DPP4: variants seen among roughly 807,000 people sequenced by gnomAD.
The protein encoded by DPP4 is dipeptidyl peptidase 4.
DPP4 carries 93 observed loss-of-function variants against 122.4 expected under a neutral mutation model. The ratio of observed to expected loss-of-function variants is 0.76; its 90% CI spans 0.64 to 0.90. The LOEUF is 0.90. Among genes scored for constraint, DPP4 ranks in the 40% least tolerant of loss-of-function variants. DPP4 has a pLI of 0.00. For synonymous variants in DPP4, 321 were observed against 302.9 expected (o/e 1.06, Z -0.62); for missense variants, 914 against 907.3 (o/e 1.01, Z -0.09).
chr2:162,022,718 G>A (rs747745529), intron 12 of DPP4, 37 bp downstream of exon 12: 8 of 1,604,616 alleles, frequency 5.0e-6, no homozygotes, highest in Non-Finnish European at 6.8e-6. Flanking sequence ...CTGAGTAGCT[G>A]ACTCATCCAT....
chr2:162,010,873 A>G (rs1250744526), intron 20 of DPP4, among the ~76,000 whole-genome samples: 1 of 152,050 alleles, frequency 6.6e-6, no homozygotes, highest in Non-Finnish European at 1.5e-5. Flanking sequence ...TTCCTAGTCT[A>G]TGATTTCATA....
At chr2:162,009,083 C>A (rs1336638999) in intron 21 of DPP4, among the ~76,000 whole-genome samples, 158 bp downstream of exon 21, 1 of 152,060 alleles carries the variant, frequency 6.6e-6, no homozygotes, top group Non-Finnish European at 1.5e-5. Flanking sequence ...AAGGTGTAAG[C>A]CTAACTCAGT....
chr2:162,047,082 C>G (rs1019232874), intron 3 of DPP4, 76 bp from the exon 4 acceptor site: 14 of 786,306 alleles, frequency 1.8e-5, no homozygotes, highest in Admixed American at 1.0e-4. Flanking sequence ...TTACAGAATA[C>G]AGTTTAAGCT....
chr2:161,999,325 A>T (rs1312429610), intron 23 of DPP4, among the ~76,000 whole-genome samples: 3 of 152,244 alleles, frequency 2.0e-5, no homozygotes, highest in Non-Finnish European at 4.4e-5. Flanking sequence ...TGCTATTTTA[A>T]CCTACCAAAA....
chr2:161,992,707 T>C lies in DPP4; in HGVS notation c.*576A>G, dbSNP rs1700894456. ...TACTTAGAAGTCAGTGCTTTGCATA[T>C]TTGATTTCCTGAGACTGTTTGAATA... On this transcript the variant is annotated 3_prime_UTR_variant, in exon 26 of 26. Coordinates refer to ENST00000360534, the MANE Select transcript of DPP4 (RefSeq NM_001935.4). 1 of 152,894 alleles carries C rather than the reference T, an allele frequency of 6.5e-6. No individual in the cohort carries two copies. The highest frequency in any genetic ancestry group is 1.5e-5 in the Non-Finnish European group (1 of 68,222). The allele number at this position is 152,894 out of a possible 1,614,324, so 9.5% of individuals were successfully genotyped here.
chr2:162,053,069 A>G lies in DPP4; in HGVS notation c.95-5568T>C, dbSNP rs1430268854. ...AAATGTGAGAAGAGAAAAACAAATT[A>G]TAGACAGAGTTCATAATCATAAGGG... is the stretch of plus-strand genomic sequence containing the variant. On this transcript the variant is annotated intron_variant, in intron 2 of 25. Transcript: ENST00000360534. Among the ~76,000 whole-genome samples the G allele has an allele frequency of 3.9e-5, 6 of 152,346 alleles. No individual in the cohort carries two copies. The East Asian group carries it at 1.2e-3, about 29-fold the overall frequency.
chr2:162,013,396 C>T (rs991601759), intron 19 of DPP4, among the ~76,000 whole-genome samples: 1 of 152,106 alleles, frequency 6.6e-6, no homozygotes, highest in Non-Finnish European at 1.5e-5. Context: ...TCAGATAACA[C>T]ATCTGGAATT....
In DPP4 at chr2:162,005,812, G is replaced by A; in HGVS notation, c.1988-3C>T. ...GTAACGTTCTGTGTACACTGAGTCT[G>A]TGAAAGAAAAAAAAATAAAAAAAAG... On this transcript the variant is annotated splice_polypyrimidine_tract_variant and splice_region_variant and intron_variant, in intron 22 of 25. Transcript: ENST00000360534. 2 of 1,609,830 alleles carry A rather than the reference G, an allele frequency of 1.2e-6. No individual in the cohort carries two copies. Among genetic ancestry groups the A allele is most frequent in the Non-Finnish European group, 1.7e-6 (2 of 1,178,390 alleles).
chr2:162,045,421 C>T (rs537207584), intron 5 of DPP4, 111 bp downstream of exon 5: 1 of 755,128 alleles, frequency 1.3e-6, no homozygotes, highest in African/African-American at 1.8e-5. Flanking sequence ...GTTTTAGTGC[C>T]TATTACATTA....
chr2:162,046,248 T>A (rs147582576), intron 4 of DPP4, among the ~76,000 whole-genome samples: 1 of 152,174 alleles, frequency 6.6e-6, no homozygotes, highest in East Asian at 1.9e-4. Flanking sequence ...ACCACAAGAT[T>A]AAATGAGGGT....
At chr2:161,993,481 G>T in intron 25 of DPP4, 97 bp from the exon 26 acceptor site, 1 of 813,378 alleles carries the variant, frequency 1.2e-6, no homozygotes, top group Non-Finnish European at 2.0e-6. Context: ...GAGCATACAT[G>T]GTATAAAACA....
intron 2 of DPP4, among the ~76,000 whole-genome samples, chr2:162,072,097 C>A (rs1235090914): frequency 1.3e-5 from 2 of 152,188 alleles, no homozygotes; most frequent in Admixed American, 6.5e-5. Context: ...CTAGCTTATA[C>A]AGTCCTTGAG....
chr2:162,035,569 T>C (rs1263695695), intron 8 of DPP4, among the ~76,000 whole-genome samples: 1 of 152,218 alleles, frequency 6.6e-6, no homozygotes, highest in African/African-American at 2.4e-5. Context: ...GCATGCAATA[T>C]TTAATATAAG....
intron 1 of DPP4, chr2:162,073,698 T>A: frequency 1.5e-6 from 1 of 656,158 alleles, no homozygotes; most frequent in Non-Finnish European, 2.6e-6. Flanking sequence ...TCAGAGCACA[T>A]TAGCGTTGGT....
At chr2:162,025,089 A>G (rs1683276085) in intron 10 of DPP4, 150 bp from the exon 11 acceptor site, 2 of 847,952 alleles carry the variant, frequency 2.4e-6, no homozygotes, top group Non-Finnish European at 3.5e-6. Flanking sequence ...ATTTAATATA[A>G]TATTTCACCT....
intron 2 of DPP4, among the ~76,000 whole-genome samples, chr2:162,055,019 A>G (rs1684518213): frequency 6.6e-6 from 1 of 152,218 alleles, no homozygotes; most frequent in African/African-American, 2.4e-5. Flanking sequence ...AAGAATATAA[A>G]AGAGTCTTTC....
chr2:161,994,540 G>A (rs1202842986), intron 25 of DPP4, among the ~76,000 whole-genome samples: 1 of 152,170 alleles, frequency 6.6e-6, no homozygotes, highest in East Asian at 1.9e-4. Flanking sequence ...TGATTATTAA[G>A]ATCCCACTGT....
At chr2:162,022,933 A>G in intron 11 of DPP4, 134 bp from the exon 12 acceptor site, 1 of 913,650 alleles carries the variant, frequency 1.1e-6, no homozygotes, top group Non-Finnish European at 1.7e-6. Context: ...ATTTCTATTT[A>G]TGTTAGTATT....
At chr2:162,070,769 A>G (rs1272763445) in intron 2 of DPP4, among the ~76,000 whole-genome samples, 1 of 152,218 alleles carries the variant, frequency 6.6e-6, no homozygotes, top group Admixed American at 6.5e-5. Flanking sequence ...CTGAGCTTTT[A>G]TCTTTATTCC....
Sources: gnomAD v4.1 joint callset for allele counts (sites outside exome capture counted in the v4.1 genomes callset) on GRCh38, gnomAD v4.1.1 for gene constraint, MANE v1.5 for transcripts, NCBI Gene and HGNC (gene_info 2026-07-23, HGNC 2026-07-21) for gene names.